The following CADM2 variants were observed in gnomAD, a reference collection of about 807,000 sequenced individuals.
CADM2 encodes cell adhesion molecule 2.
Under a neutral mutation model 49.8 loss-of-function variants are expected in CADM2, and 12 were observed. The observed-to-expected ratio is 0.24, with a 90% CI of 0.15 to 0.39. The LOEUF (loss-of-function observed/expected upper bound fraction) is 0.39, where lower values mean the gene tolerates loss of function less well. CADM2 is among the 10% of genes least tolerant of loss of function. The pLI, the probability that CADM2 is intolerant of heterozygous loss-of-function variation, is 1.00. For missense variants in CADM2, 378 were observed against 492.3 expected, an observed-to-expected ratio of 0.77 and a Z score of 2.20; for synonymous variants, 214 against 175.4, an observed-to-expected ratio of 1.22 and a Z score of -1.74.
intron 1 of CADM2, among the ~76,000 whole-genome samples, chr3:85,359,666 A>ATATATATATATATTTTTTTTT: frequency 3.8e-4 from 10 of 26,548 alleles, no homozygotes; most frequent in Admixed American, 5.8e-4. Flanking sequence ...ATATATATAT[A>ATATATATATATATTTTTTTTT]TTTTTTTTTT....
chr3:85,415,795 G>T (rs765352095), intron 1 of CADM2, among the ~76,000 whole-genome samples: 4 of 152,078 alleles, frequency 2.6e-5, no homozygotes, highest in Non-Finnish European at 5.9e-5. Context: ...CTCATCTGCA[G>T]TAGGATCAAA....
chr3:85,976,543 G>A (rs1464528346), intron 8 of CADM2, among the ~76,000 whole-genome samples: 1 of 151,436 alleles, frequency 6.6e-6, no homozygotes, highest in African/African-American at 2.4e-5. Context: ...AACAAATAAT[G>A]AAAGAACAGA....
intron 1 of CADM2, among the ~76,000 whole-genome samples, chr3:85,321,979 C>T (rs945868262): frequency 6.6e-6 from 1 of 152,094 alleles, no homozygotes; most frequent in East Asian, 1.9e-4. Context: ...GTCATTTTTG[C>T]CCAAGCATAA....
intron 1 of CADM2, among the ~76,000 whole-genome samples, chr3:85,114,666 G>A (rs969720234): frequency 6.6e-5 from 10 of 152,102 alleles, no homozygotes; most frequent in African/African-American, 1.9e-4. Flanking sequence ...GATCTGGTGC[G>A]AGATAGGTTT....
chr3:85,297,326 G>A (rs1189397818), intron 1 of CADM2, among the ~76,000 whole-genome samples: 1 of 152,072 alleles, frequency 6.6e-6, no homozygotes, highest in Non-Finnish European at 1.5e-5. Flanking sequence ...CATTTGAAGG[G>A]TAGAGTGAAC....
chr3:85,368,009 G>T, intron 1 of CADM2, among the ~76,000 whole-genome samples: 1 of 152,054 alleles, frequency 6.6e-6, no homozygotes, highest in South Asian at 2.1e-4. Flanking sequence ...AGACTACAAC[G>T]TAGAAGAAAT....
intron 1 of CADM2, among the ~76,000 whole-genome samples, chr3:85,325,865 T>A (rs1359777988): frequency 6.6e-6 from 1 of 152,118 alleles, no homozygotes; most frequent in African/African-American, 2.4e-5. Context: ...TTCCAGAAAA[T>A]GAGTAAAATT....
chr3:85,026,863 T>C (rs2107310580), intron 1 of CADM2, among the ~76,000 whole-genome samples: 1 of 152,108 alleles, frequency 6.6e-6, no homozygotes, highest in East Asian at 1.9e-4. Flanking sequence ...ATGGAGATAC[T>C]TTACTGTTTT....
chr3:85,685,329 G>A lies in CADM2; in HGVS notation c.62-41193G>A, dbSNP rs148300752. ...GGGCTATCACTAACTTCCAAATCTA[G>A]GATGTAAAAGCTGTAAATACATGTT... On this transcript the variant is annotated intron_variant, in intron 1 of 9. Coordinates refer to ENST00000383699, the MANE Select transcript of CADM2 (RefSeq NM_001167675.2). Among the ~76,000 whole-genome samples the A allele has an allele frequency of 4.6e-5, 7 of 152,226 alleles. No individual in the cohort carries two copies. In the East Asian group the frequency reaches 9.7e-4, roughly 21 times the overall value.
chr3:85,356,535 C>T (rs568318204), intron 1 of CADM2, among the ~76,000 whole-genome samples: 1 of 152,152 alleles, frequency 6.6e-6, no homozygotes, highest in South Asian at 2.1e-4. Flanking sequence ...AAAGATAATA[C>T]AATGAGATCT....
intron 8 of CADM2, among the ~76,000 whole-genome samples, chr3:86,055,628 G>A (rs1737895730): frequency 6.6e-6 from 1 of 151,664 alleles, no homozygotes; most frequent in African/African-American, 2.4e-5. Context: ...CACCATGCCT[G>A]GCTAATATTT....
At chr3:85,865,174 A>G (rs2108334242) in intron 3 of CADM2, among the ~76,000 whole-genome samples, 1 of 152,304 alleles carries the variant, frequency 6.6e-6, no homozygotes, top group Non-Finnish European at 1.5e-5. Context: ...CTTACTTCAA[A>G]GAACTGGAGA....
intron 6 of CADM2, among the ~76,000 whole-genome samples, chr3:85,916,656 G>A (rs1456376603): frequency 3.9e-5 from 6 of 151,968 alleles, no homozygotes; most frequent in Non-Finnish European, 7.4e-5. Context: ...CTTTATAGCA[G>A]CATGATTTAT....
In CADM2 at chr3:85,883,438, T is replaced by C; in HGVS notation, c.386T>C (p.Val129Ala). 6.2e-7 allele frequency: 1 copy of C among 1,613,532 alleles called. No individual in the cohort carries two copies. The highest frequency in any genetic ancestry group is 8.5e-7 in the Non-Finnish European group (1 of 1,179,604). Residue 129 changes from valine (V) to alanine (A), a missense_variant, in exon 4 of 10, where the codon GTT becomes GCT. Val to Ala is a moderately conservative substitution (Grantham distance 64, BLOSUM62 0). Transcript: ENST00000383699. ...AAAACTTCCAAGGCATATCTCACCGTTCTGGGTAAGTGCAAGGGACTAACA... is the reference window on the plus strand; with the variant it reads ...AAAACTTCCAAGGCATATCTCACCGCTCTGGGTAAGTGCAAGGGACTAACA... ...PVKTSKAYLT[V>A]LGVPEKPQIS...
intron 1 of CADM2, among the ~76,000 whole-genome samples, chr3:85,607,378 T>C (rs1179024612): frequency 6.6e-6 from 1 of 152,068 alleles, no homozygotes; most frequent in Non-Finnish European, 1.5e-5. Context: ...ATGGGTAAAC[T>C]AAGCAGGCAT....
intron 8 of CADM2, among the ~76,000 whole-genome samples, chr3:85,976,007 T>A (rs1199653724): frequency 1.3e-5 from 2 of 151,592 alleles, no homozygotes; most frequent in African/African-American, 4.8e-5. Context: ...TTAAGCAAAT[T>A]ACTTAAAATA....
intron 1 of CADM2, among the ~76,000 whole-genome samples, chr3:85,134,165 C>T (rs1046153428): frequency 6.6e-6 from 1 of 152,332 alleles, no homozygotes; most frequent in African/African-American, 2.4e-5. Flanking sequence ...GTGCGGGGTC[C>T]GCCAAGCCCA....
chr3:85,351,281 C>T (rs950462064), intron 1 of CADM2, among the ~76,000 whole-genome samples: 30 of 152,152 alleles, frequency 2.0e-4, no homozygotes, highest in Middle Eastern at 3.4e-3. Flanking sequence ...CAGCTGGTAT[C>T]GCTTACCATA....
chr3:85,602,114 T>C (rs2063424187), intron 1 of CADM2, among the ~76,000 whole-genome samples: 1 of 151,806 alleles, frequency 6.6e-6, no homozygotes, highest in Non-Finnish European at 1.5e-5. Flanking sequence ...TCTTCAAATA[T>C]AGCAATGTAG....
Sources: gnomAD v4.1 joint callset for allele counts (sites outside exome capture counted in the v4.1 genomes callset) on GRCh38, gnomAD v4.1.1 for gene constraint, MANE v1.5 for transcripts, NCBI Gene and HGNC (gene_info 2026-07-23, HGNC 2026-07-21) for gene names.